The following CMIP variants were observed in gnomAD, a reference collection of about 807,000 sequenced individuals.
CMIP encodes the protein C-Maf-inducing protein.
Under a neutral mutation model 97.3 loss-of-function variants are expected in CMIP, and 13 were observed. That is an observed-to-expected ratio of 0.13 (90% confidence interval 0.09 to 0.21). The LOEUF is 0.21. Among genes scored for constraint, CMIP ranks in the 10% least tolerant of loss-of-function variants. The probability of loss-of-function intolerance (pLI) is 1.00; values close to 1 mark genes in which losing one functional copy is unlikely to be tolerated. For missense variants in CMIP, 847 were observed against 1,024.9 expected (o/e 0.83, Z 2.37); for synonymous variants, 538 against 436.3 (o/e 1.23, Z -2.91).
chr16:81,474,400 T>G (rs1907756322), intron 1 of CMIP, among the ~76,000 whole-genome samples: 1 of 152,098 alleles, frequency 6.6e-6, no homozygotes. Context: ...CTCTCTTTCC[T>G]TCACTCCCTT....
chr16:81,526,333 A>G (rs536099865), intron 1 of CMIP, among the ~76,000 whole-genome samples: 7 of 152,300 alleles, frequency 4.6e-5, no homozygotes, highest in South Asian at 2.1e-4. Context: ...GAAATTTAGC[A>G]TTTGTTTCCA....
intron 1 of CMIP, among the ~76,000 whole-genome samples, chr16:81,525,834 C>T (rs1268059770): frequency 6.6e-6 from 1 of 152,212 alleles, no homozygotes; most frequent in African/African-American, 2.4e-5. Context: ...CATTTGACTC[C>T]TCTAGGAACC....
chr16:81,645,425 G>T (rs893285719), intron 3 of CMIP: 289 of 1,491,060 alleles, frequency 1.9e-4, no homozygotes, highest in Non-Finnish European at 2.5e-4. Flanking sequence ...CCTGCCTGGC[G>T]CGACGTGCTT....
At chr16:81,499,896 A>G (rs546296986) in intron 1 of CMIP, among the ~76,000 whole-genome samples, 8 of 152,314 alleles carry the variant, frequency 5.3e-5, no homozygotes, top group Non-Finnish European at 1.2e-4. Context: ...TTTTGGCCCT[A>G]TGGGAGGCAT....
At chr16:81,570,651 T>C (rs4888156) in intron 1 of CMIP, among the ~76,000 whole-genome samples, 94,228 of 151,462 alleles carry the variant, frequency 0.62, 29,657 homozygotes, top group South Asian at 0.67. Flanking sequence ...AGGGATGGCC[T>C]GAGGAAAGGC....
chr16:81,577,650 C>T (rs1055736425), intron 1 of CMIP, among the ~76,000 whole-genome samples: 2 of 148,218 alleles, frequency 1.3e-5, no homozygotes, highest in African/African-American at 5.1e-5. Context: ...ATCACCATCA[C>T]CTTCATCACC....
At chr16:81,706,194 C>T (rs755355406) in intron 19 of CMIP, among the ~76,000 whole-genome samples, 4 of 152,236 alleles carry the variant, frequency 2.6e-5, no homozygotes, top group Non-Finnish European at 5.9e-5. Context: ...CTGTATTTGA[C>T]CAGCTTTCCC....
At chr16:81,648,993 C>T (rs1032343219) in intron 3 of CMIP, among the ~76,000 whole-genome samples, 1 of 152,008 alleles carries the variant, frequency 6.6e-6, no homozygotes, top group East Asian at 1.9e-4. Flanking sequence ...TTCTCTTGCC[C>T]GTCTCACTTC....
intron 1 of CMIP, among the ~76,000 whole-genome samples, chr16:81,583,700 G>T (rs886976101): frequency 2.6e-5 from 4 of 152,210 alleles, no homozygotes. Flanking sequence ...TCTGTCTGTC[G>T]TTGCAGAGGC....
intron 14 of CMIP, 126 bp from the exon 15 acceptor site, chr16:81,699,559 C>T: frequency 1.6e-6 from 1 of 633,394 alleles, no homozygotes; most frequent in East Asian, 2.9e-5. Flanking sequence ...GATCCTAGAA[C>T]ACCTGGCTGT....
At chr16:81,641,959 C>G (rs2092311486) in intron 3 of CMIP, among the ~76,000 whole-genome samples, 1 of 152,236 alleles carries the variant, frequency 6.6e-6, no homozygotes, top group South Asian at 2.1e-4. Context: ...GCATGACTTA[C>G]CTCACTCAGC....
chr16:81,707,961 A>G (rs1417886282), intron 20 of CMIP, among the ~76,000 whole-genome samples: 1 of 152,252 alleles, frequency 6.6e-6, no homozygotes, highest in African/African-American at 2.4e-5. Flanking sequence ...CCCACCTCCT[A>G]CAGCCAGGCC....
chr16:81,561,753 C>G (rs76904318), intron 1 of CMIP, among the ~76,000 whole-genome samples: 5,333 of 152,310 alleles, frequency 0.035, 105 homozygotes, highest in Middle Eastern at 0.092. Flanking sequence ...CTAGTAGCCA[C>G]TGGGCATGTG....
At chr16:81,603,076 T>C (rs2091683767) in intron 1 of CMIP, among the ~76,000 whole-genome samples, 1 of 152,052 alleles carries the variant, frequency 6.6e-6, no homozygotes, top group Non-Finnish European at 1.5e-5. Flanking sequence ...CAGTTTTTTT[T>C]GTTTGGTTTT....
intron 1 of CMIP, among the ~76,000 whole-genome samples, chr16:81,492,819 G>T (rs1448184463): frequency 6.6e-6 from 1 of 151,920 alleles, no homozygotes; most frequent in African/African-American, 2.4e-5. Context: ...GTCGTGGGGG[G>T]TCGGGGAGAA....
At chr16:81,528,475 G>A (rs150318607) in intron 1 of CMIP, among the ~76,000 whole-genome samples, 309 of 152,318 alleles carry the variant, frequency 2.0e-3, no homozygotes, top group African/African-American at 7.1e-3. Flanking sequence ...GACCAGAGGT[G>A]GAGCGTGGAG....
At chr16:81,477,652 A>G (rs1419803708) in intron 1 of CMIP, among the ~76,000 whole-genome samples, 1 of 152,238 alleles carries the variant, frequency 6.6e-6, no homozygotes, top group Non-Finnish European at 1.5e-5. Context: ...CAGCTTAAAC[A>G]CAGCAGAAGC....
At chr16:81,689,031 C>T (rs1023929160) in intron 10 of CMIP, among the ~76,000 whole-genome samples, 4 of 152,212 alleles carry the variant, frequency 2.6e-5, no homozygotes, top group African/African-American at 7.2e-5. Flanking sequence ...TGTATATGTG[C>T]CACATCTTCT....
At chr16:81,656,153 G>T (rs1486006146) in intron 4 of CMIP, among the ~76,000 whole-genome samples, 1 of 152,222 alleles carries the variant, frequency 6.6e-6, no homozygotes, top group Admixed American at 6.5e-5. Context: ...ACGTCTCATG[G>T]GGACCGGTAG....
Sources: allele counts gnomAD v4.1 joint callset (sites outside exome capture counted in the v4.1 genomes callset), GRCh38; gene constraint gnomAD v4.1.1; transcripts MANE v1.5; gene names NCBI Gene and HGNC (gene_info 2026-07-23, HGNC 2026-07-21).